Variants in CPQ observed in about 807,000 individuals in gnomAD.
CPQ encodes Ser-Met dipeptidase.
CPQ carries 37 observed loss-of-function variants against 45.7 expected under a neutral mutation model. The ratio of observed to expected loss-of-function variants is 0.81; its 90% confidence interval spans 0.62 to 1.07. The LOEUF is 1.07. Among genes scored for constraint, CPQ ranks in the 50% least tolerant of loss-of-function variants. The pLI, the probability that CPQ is intolerant of heterozygous loss-of-function variation, is 0.00. For synonymous variants in CPQ, 186 were observed against 205.8 expected (o/e 0.90, Z 0.82); for missense variants, 537 against 572.9 (o/e 0.94, Z 0.64).
intron 4 of CPQ, among the ~76,000 whole-genome samples, chr8:96,933,275 C>T (rs1392406547): frequency 6.6e-6 from 1 of 152,170 alleles, no homozygotes; most frequent in Non-Finnish European, 1.5e-5. Flanking sequence ...TAGCTTCAGT[C>T]AAAGGGAGAC....
At chr8:96,777,749 TATATATATA>T (rs1810630128) in intron 1 of CPQ, among the ~76,000 whole-genome samples, 8 of 13,390 alleles carry the variant, frequency 6.0e-4, no homozygotes, top group African/African-American at 1.8e-3. Context: ...TATATATATA[TATATATATA>T]TATTTTTTTT....
chr8:97,078,979 T>C (rs1393479984), intron 7 of CPQ, among the ~76,000 whole-genome samples: 4 of 152,084 alleles, frequency 2.6e-5, no homozygotes, highest in Non-Finnish European at 5.9e-5. Flanking sequence ...TTTAAAATTT[T>C]TATTTTTAGA....
chr8:96,912,327 C>G (rs1812675399), intron 4 of CPQ, among the ~76,000 whole-genome samples: 1 of 152,062 alleles, frequency 6.6e-6, no homozygotes, highest in Non-Finnish European at 1.5e-5. Flanking sequence ...TCACTGTGAG[C>G]AAGGTGGTAA....
intron 5 of CPQ, among the ~76,000 whole-genome samples, chr8:97,019,313 A>C (rs562805764): frequency 1.6e-3 from 244 of 152,332 alleles, no homozygotes; most frequent in Middle Eastern, 0.014. Flanking sequence ...CAATTTAAAA[A>C]CAAAAAGCAA....
chr8:97,016,532 T>C (rs1411738368), intron 5 of CPQ, among the ~76,000 whole-genome samples: 4 of 152,136 alleles, frequency 2.6e-5, no homozygotes. Flanking sequence ...TTGGGCCAGA[T>C]TATGAAAAAG....
intron 4 of CPQ, among the ~76,000 whole-genome samples, chr8:96,887,890 GAAC>G (rs1812324107): frequency 6.6e-6 from 1 of 152,054 alleles, no homozygotes; most frequent in East Asian, 1.9e-4. Flanking sequence ...TGCATTCAAA[GAAC>G]AAATTCAGTT....
intron 5 of CPQ, among the ~76,000 whole-genome samples, chr8:97,028,650 CTT>C (rs1809842006): frequency 6.6e-6 from 1 of 152,160 alleles, no homozygotes; most frequent in African/African-American, 2.4e-5. Flanking sequence ...TTGTAGGTAA[CTT>C]TCACTGAGCT....
At chr8:96,938,343 A>G (rs1279027845) in intron 4 of CPQ, among the ~76,000 whole-genome samples, 1 of 152,128 alleles carries the variant, frequency 6.6e-6, no homozygotes, top group Non-Finnish European at 1.5e-5. Context: ...GCTGCAATGA[A>G]CTAGCATGGT....
chr8:96,788,171 T>A (rs980035516), intron 2 of CPQ, among the ~76,000 whole-genome samples: 4 of 151,738 alleles, frequency 2.6e-5, no homozygotes, highest in African/African-American at 9.7e-5. Context: ...TCCTTTTTTT[T>A]TTTTGAGATG....
intron 3 of CPQ, among the ~76,000 whole-genome samples, chr8:96,838,463 A>G (rs180786688): frequency 1.6e-4 from 24 of 152,250 alleles, no homozygotes; most frequent in Admixed American, 3.3e-4. Flanking sequence ...GGTTATCCAT[A>G]TCTAGGCCTG....
intron 2 of CPQ, among the ~76,000 whole-genome samples, chr8:96,798,905 G>A (rs928692956): frequency 6.6e-6 from 1 of 152,096 alleles, no homozygotes; most frequent in East Asian, 1.9e-4. Flanking sequence ...ATCTCCTGTA[G>A]CACTAGGCCC....
At chr8:97,015,932 T>C (rs986754340) in intron 5 of CPQ, among the ~76,000 whole-genome samples, 7 of 152,166 alleles carry the variant, frequency 4.6e-5, no homozygotes, top group African/African-American at 1.7e-4. Flanking sequence ...TACATATTTG[T>C]ATACATACAT....
chr8:96,688,125 C>A (rs1809257221), intron 1 of CPQ, among the ~76,000 whole-genome samples: 1 of 151,552 alleles, frequency 6.6e-6, no homozygotes, highest in South Asian at 2.1e-4. Context: ...TTCTGTATTA[C>A]TGGGTAATTA....
At chr8:96,869,534 A>G (rs1812038852) in intron 3 of CPQ, among the ~76,000 whole-genome samples, 1 of 152,102 alleles carries the variant, frequency 6.6e-6, no homozygotes, top group African/African-American at 2.4e-5. Context: ...AGTGCCTTGC[A>G]CATGGTAACT....
chr8:96,711,011 A>G (rs1809601399), intron 1 of CPQ, among the ~76,000 whole-genome samples: 1 of 152,130 alleles, frequency 6.6e-6, no homozygotes. Context: ...TAACTGTTTT[A>G]TGAATGTGGG....
At chr8:96,848,942 G>T (rs558400671) in intron 3 of CPQ, among the ~76,000 whole-genome samples, 10 of 152,218 alleles carry the variant, frequency 6.6e-5, no homozygotes, top group African/African-American at 2.4e-4. Context: ...GGCTTATTGA[G>T]TGATCTGTGA....
At chr8:97,053,292 A>G (rs1166801519) in intron 6 of CPQ, among the ~76,000 whole-genome samples, 2 of 152,246 alleles carry the variant, frequency 1.3e-5, no homozygotes, top group African/African-American at 4.8e-5. Context: ...CTGATAATAA[A>G]TTGGATAAAT....
intron 7 of CPQ, among the ~76,000 whole-genome samples, chr8:97,120,370 G>A (rs138357553): frequency 6.2e-4 from 90 of 145,910 alleles, no homozygotes; most frequent in African/African-American, 1.7e-3. Context: ...ATTCACTGCC[G>A]CATTCCTTTA....
chr8:97,070,932 T>G (rs1430103839), intron 7 of CPQ, among the ~76,000 whole-genome samples: 1 of 152,210 alleles, frequency 6.6e-6, no homozygotes, highest in African/African-American at 2.4e-5. Context: ...TAGATGTCCC[T>G]AAGTGCATCC....
Sources: gnomAD v4.1 joint callset for allele counts (sites outside exome capture counted in the v4.1 genomes callset) on GRCh38, gnomAD v4.1.1 for gene constraint, MANE v1.5 for transcripts, NCBI Gene and HGNC (gene_info 2026-07-23, HGNC 2026-07-21) for gene names.